The following LPIN2 variants were observed in gnomAD, a reference collection of about 807,000 sequenced individuals.
LPIN2 encodes the protein lipin 2, also known as phosphatidate phosphatase LPIN2.
In LPIN2, 55 loss-of-function variants were observed where a neutral mutation model predicts 111.4. That is an observed-to-expected ratio of 0.49 (90% CI 0.40 to 0.62). LPIN2 has a LOEUF of 0.62. Ranked by LOEUF, LPIN2 falls within the 20% of genes least tolerant of loss-of-function variation. The pLI is 0.00. For missense variants in LPIN2, 992 were observed against 1,112.1 expected (o/e 0.89, Z 1.54); for synonymous variants, 425 against 414.0 (o/e 1.03, Z -0.32).
intron 16 of LPIN2, 49 bp downstream of exon 16, chr18:2,923,726 A>T: frequency 6.7e-7 from 1 of 1,491,354 alleles, no homozygotes; most frequent in African/African-American, 1.4e-5. Flanking sequence ...TAGTTCTTAA[A>T]GCAAGCTTCC....
At position 2,982,094 on chromosome 18, in the gene LPIN2, A is replaced by G. The variant is rs571566568; in HGVS notation, c.-9-21245T>C. The stretch of plus-strand genomic sequence containing the variant: ...CTTGTTCTAAGTTATATTTTGTAAC[A>G]AGAGAGAAAACTCTGGATTAAAGAA... On this transcript the variant is annotated intron_variant, in intron 1 of 19. Coordinates refer to ENST00000677752, the MANE Select transcript of LPIN2 (RefSeq NM_001375808.2). Among the ~76,000 whole-genome samples the G allele has an allele frequency of 8.5e-5, 13 of 152,310 alleles. No homozygotes were observed. In the East Asian group the frequency reaches 2.1e-3, roughly 25 times the overall value.
intron 7 of LPIN2, among the ~76,000 whole-genome samples, chr18:2,936,317 A>G (rs2077283975): frequency 6.6e-6 from 1 of 152,206 alleles, no homozygotes; most frequent in South Asian, 2.1e-4. Flanking sequence ...CAGAGTTCAG[A>G]ATATGTATGT....
At position 2,940,662 on chromosome 18, in the gene LPIN2, A is replaced by G; in HGVS notation, c.641T>C (p.Leu214Pro). The change falls in exon 5 of 20, where the codon CTC becomes CCC. Residue 214 changes from leucine (L) to proline (P), a missense_variant. By Grantham distance (98) the Leu-to-Pro change is moderately conservative (BLOSUM62 -3). This residue lies in a region of LPIN2 where 709 missense variants were observed against 753.2 expected (regional missense o/e 0.94). Transcript: ENST00000677752. ...GGGGTAATGATCCCCAGAATGGAAGAGCAAAGGCTCTTTACATTCTTCTTC... is the reference window on the plus strand; with the variant it reads ...GGGGTAATGATCCCCAGAATGGAAGGGCAAAGGCTCTTTACATTCTTCTTC... ...LKEEECKEPL[L>P]FHSGDHYPLS... 1 of 1,613,598 alleles carries G rather than the reference A, an allele frequency of 6.2e-7. No individual in the cohort carries two copies. The highest frequency in any genetic ancestry group is 8.5e-7 in the Non-Finnish European group (1 of 1,179,682).
chr18:2,949,606 G>GA (rs2077503781), intron 4 of LPIN2, among the ~76,000 whole-genome samples: 1 of 151,852 alleles, frequency 6.6e-6, no homozygotes, highest in Admixed American at 6.6e-5. Context: ...AAGAGGAGTA[G>GA]AAAAAAATTT....
chr18:2,960,546 TA>T (rs2077696619), intron 2 of LPIN2, 102 bp downstream of exon 2: 1 of 1,140,932 alleles, frequency 8.8e-7, no homozygotes, highest in Non-Finnish European at 1.3e-6. Context: ...AAACTCACAA[TA>T]GCGATTTATT....
At chr18:2,975,460 G>A (rs1401936809) in intron 1 of LPIN2, among the ~76,000 whole-genome samples, 2 of 152,030 alleles carry the variant, frequency 1.3e-5, no homozygotes, top group East Asian at 1.9e-4. Context: ...TCAGCCTCTC[G>A]AGTAGCCGGG....
Position 2,926,855 on chromosome 18 carries a change from A to T in LPIN2, c.1711-50T>A, listed in dbSNP as rs141335924. On this transcript the variant is annotated intron_variant, in intron 12 of 19. Coordinates refer to ENST00000677752, the MANE Select transcript of LPIN2 (RefSeq NM_001375808.2). Reference sequence around the variant, plus strand: ...AACATGCAATTTTTTCCCTACAGATAAGCCAAGTTCATCAGCAGCCCTCTC... The same window carrying T: ...AACATGCAATTTTTTCCCTACAGATTAGCCAAGTTCATCAGCAGCCCTCTC... 345 of 1,457,376 alleles carry T rather than the reference A, an allele frequency of 2.4e-4. 1 individual carries two copies. In the East Asian group the frequency reaches 7.6e-3, roughly 32 times the overall value. 90.3% of individuals were successfully genotyped at this position (1,457,376 alleles called of 1,614,324 possible).
intron 4 of LPIN2, chr18:2,945,815 A>C: frequency 6.9e-7 from 1 of 1,444,200 alleles, no homozygotes; most frequent in Non-Finnish European, 9.7e-7. Context: ...CCTATACTGA[A>C]ATGGTAACTT....
At chr18:2,999,440 C>CA (rs1296933518) in intron 1 of LPIN2, among the ~76,000 whole-genome samples, 2,086 of 131,908 alleles carry the variant, frequency 0.016, 51 homozygotes, top group African/African-American at 0.049. Flanking sequence ...ACTAAAAATA[C>CA]AAAAAAAAAA....
chr18:2,922,673 G>GT (rs2077072577), intron 16 of LPIN2, among the ~76,000 whole-genome samples: 1 of 152,144 alleles, frequency 6.6e-6, no homozygotes, highest in Non-Finnish European at 1.5e-5. Context: ...GATTATAGAG[G>GT]TTTCACCTTC....
chr18:2,925,149 A>C lies in LPIN2; in HGVS notation c.1938+75T>G. 1 of 1,567,100 alleles carries C rather than the reference A, an allele frequency of 6.4e-7. No individual in the cohort carries two copies. The highest frequency in any genetic ancestry group is 8.8e-7 in the Non-Finnish European group (1 of 1,139,330). On this transcript the variant is annotated intron_variant, in intron 14 of 19. Transcript: ENST00000677752. This position sits in a 1 kb window ranked among gnomAD's most constrained non-coding sequence, Gnocchi z 4.1. ...TGTATGCAGCTGGGGACGTGTGGAC[A>C]GAAGAGGATGTGCATCAAATTAAAC...
chr18:2,960,973 A>G, intron 1 of LPIN2, 124 bp from the exon 2 acceptor site: 1 of 159,650 alleles, frequency 6.3e-6, no homozygotes, highest in Admixed American at 9.1e-5. Context: ...CATTAGCCTT[A>G]TTAATTTTCA....
chr18:2,945,998 C>A lies in LPIN2; in HGVS notation c.590+5057G>T. 2.2e-6 allele frequency: 3 copies of A among 1,389,546 alleles called. No individual in the cohort carries two copies. In the East Asian group the frequency reaches 6.8e-5, roughly 32 times the overall value. 86.1% of individuals were successfully genotyped at this position (1,389,546 alleles called of 1,614,324 possible). A position where few individuals can be genotyped will look rare whatever the true frequency, so the allele number is the denominator to read the frequency against. On this transcript the variant is annotated intron_variant, in intron 4 of 19. Coordinates refer to ENST00000677752, the MANE Select transcript of LPIN2 (RefSeq NM_001375808.2). ...TTCGTCCCCTCATGGAAAATAGGTA[C>A]TCCAGAATGATATACACAGACTTCT...
At chr18:2,938,339 C>T (rs2077320014) in intron 6 of LPIN2, among the ~76,000 whole-genome samples, 2 of 151,982 alleles carry the variant, frequency 1.3e-5, no homozygotes, top group Non-Finnish European at 2.9e-5. Context: ...GCCTGGCCAA[C>T]AGGATGAAAC....
In LPIN2 at chr18:2,925,233, T is replaced by C. The variant is rs2077113003; in HGVS notation, c.1929A>G (p.Ser643=). 1 of 1,614,070 alleles carries C rather than the reference T, an allele frequency of 6.2e-7. No individual in the cohort carries two copies. Among genetic ancestry groups the C allele is most frequent in the African/African-American group, 1.3e-5 (1 of 74,924 alleles). The change falls in exon 14 of 20, where the codon TCA becomes TCG. Residue 643 remains serine, a synonymous_variant. Coordinates refer to ENST00000677752, the MANE Select transcript of LPIN2 (RefSeq NM_001375808.2). This position sits in a 1 kb window ranked among gnomAD's most constrained non-coding sequence, Gnocchi z 4.1. ...ATCATGCAAGACTCACGATCTGGTCTGAGGAGAGGCGGAGAGACTTCTTAT... is the reference window on the plus strand; with the variant it reads ...ATCATGCAAGACTCACGATCTGGTCCGAGGAGAGGCGGAGAGACTTCTTAT... The part of the protein sequence containing the change: ...TSYKKSLRLS[S]DQIAKLKLHD...
At chr18:2,926,639 A>G (rs2077135213) in intron 13 of LPIN2, 84 bp downstream of exon 13, 18 of 1,212,718 alleles carry the variant, frequency 1.5e-5, no homozygotes, top group Non-Finnish European at 2.1e-5. Context: ...CAAGAACTAA[A>G]CAAGCTGCCA....
At chr18:2,924,846 C>G (rs1417227124) in intron 14 of LPIN2, among the ~76,000 whole-genome samples, 1 of 152,202 alleles carries the variant, frequency 6.6e-6, no homozygotes, top group Non-Finnish European at 1.5e-5. Context: ...CCCAGCAAGA[C>G]CTTTTCATAC....
At position 2,924,416 on chromosome 18, in the gene LPIN2, A is replaced by G. The variant is rs2077101040; in HGVS notation, c.2069T>C (p.Ile690Thr). 7 of 1,614,102 alleles carry G rather than the reference A, an allele frequency of 4.3e-6. No individual in the cohort carries two copies. Among genetic ancestry groups the G allele is most frequent in the Non-Finnish European group, 5.9e-6 (7 of 1,180,056 alleles). ...NWNDKIIISDIDGTITKSDAL... is the reference protein window; with the variant it reads ...NWNDKIIISDTDGTITKSDAL... ...AGCTTACTTGGTTATTGTCCCATCA[A>G]TATCAGAAATGATGATCTTGTCATT... Residue 690 changes from isoleucine to threonine, a missense_variant, in exon 15 of 20, where the codon ATT (isoleucine) becomes ACT (threonine). By Grantham distance (89) the Ile-to-Thr change is moderately conservative. Transcript: ENST00000677752.
At chr18:2,928,492 T>A in intron 11 of LPIN2, 99 bp downstream of exon 11, 1 of 1,175,502 alleles carries the variant, frequency 8.5e-7, no homozygotes, top group Non-Finnish European at 1.3e-6. Flanking sequence ...AGTAAAACTT[T>A]GAATAGTACC....
Sources: gnomAD v4.1 joint callset for allele counts (sites outside exome capture counted in the v4.1 genomes callset) on GRCh38, gnomAD v4.1.1 for gene constraint, gnomAD v4.1.1 regional missense constraint, Gnocchi (gnomAD v3.1) non-coding constraint, MANE v1.5 for transcripts, NCBI Gene and HGNC (gene_info 2026-07-23, HGNC 2026-07-21) for gene names.